The following LANCL1 variants were observed in gnomAD, a reference collection of about 807,000 sequenced individuals.
LANCL1 encodes the protein glutathione S-transferase LANCL1.
Under a neutral mutation model 50.6 loss-of-function variants are expected in LANCL1, and 50 were observed. The ratio of observed to expected loss-of-function variants is 0.99; its 90% confidence interval spans 0.79 to 1.25. LANCL1 has a LOEUF of 1.25. LANCL1 is among the 50% of genes most tolerant of loss of function. The pLI, the probability that LANCL1 is intolerant of heterozygous loss-of-function variation, is 0.00. For synonymous variants in LANCL1, 188 were observed against 178.6 expected (o/e 1.05, Z -0.42); for missense variants, 532 against 480.7 (o/e 1.11, Z -1.00).
intron 4 of LANCL1, among the ~76,000 whole-genome samples, chr2:210,449,481 T>C (rs540348703): frequency 7.9e-5 from 12 of 152,210 alleles, no homozygotes; most frequent in South Asian, 6.2e-4. Context: ...CTATTCAACA[T>C]AGTATTGGAA....
chr2:210,434,585 A>G, intron 9 of LANCL1, 22 bp from the exon 10 acceptor site: 1 of 1,585,270 alleles, frequency 6.3e-7, no homozygotes. Flanking sequence ...GAAAGAGGCA[A>G]AAGTTATTAT....
chr2:210,440,362 G>A (rs1421899333), intron 6 of LANCL1, among the ~76,000 whole-genome samples: 3 of 152,304 alleles, frequency 2.0e-5, no homozygotes, highest in African/African-American at 7.2e-5. Context: ...GGGCAAGCAC[G>A]ATCACCTGCA....
chr2:210,477,405 C>T (rs1016659137), upstream of LANCL1: 7 of 601,314 alleles, frequency 1.2e-5, no homozygotes, highest in Non-Finnish European at 1.5e-5. Context: ...TTTAACAGTC[C>T]CTGCTATCTG....
At chr2:210,445,907 C>T (rs145293584) in intron 4 of LANCL1, among the ~76,000 whole-genome samples, 74 of 152,248 alleles carry the variant, frequency 4.9e-4, no homozygotes, top group African/African-American at 1.6e-3. Context: ...ACTTTAAAAA[C>T]AGATGTCCAG....
At chr2:210,438,513 G>A (rs999178233) in intron 6 of LANCL1, among the ~76,000 whole-genome samples, 4 of 152,186 alleles carry the variant, frequency 2.6e-5, no homozygotes. Context: ...GCCTATGAAT[G>A]TGAGTGTAAG....
At chr2:210,462,421 C>G (rs1224156613) in intron 3 of LANCL1, among the ~76,000 whole-genome samples, 1 of 152,158 alleles carries the variant, frequency 6.6e-6, no homozygotes, top group Non-Finnish European at 1.5e-5. Flanking sequence ...GCATTACGCT[C>G]CCATGTACTA....
intron 3 of LANCL1, among the ~76,000 whole-genome samples, chr2:210,459,465 G>A (rs1430378109): frequency 1.3e-5 from 2 of 152,030 alleles, no homozygotes; most frequent in Non-Finnish European, 2.9e-5. Context: ...AACCATAAAT[G>A]TCTACAGTAA....
intron 6 of LANCL1, 64 bp downstream of exon 6, chr2:210,440,534 C>G: frequency 6.9e-7 from 1 of 1,457,390 alleles, no homozygotes; most frequent in Non-Finnish European, 9.3e-7. Context: ...TATCTGTTTT[C>G]TCACCCATGA....
In LANCL1 at chr2:210,476,423, G is replaced by A. The variant is rs751899082; in HGVS notation, c.-16-11C>T. On this transcript the variant is annotated splice_polypyrimidine_tract_variant and intron_variant, in intron 1 of 9. Coordinates refer to ENST00000450366, the MANE Select transcript of LANCL1 (RefSeq NM_006055.3). ...ACGCCGGAAGCAAGCCTGCAGAACA[G>A]GGGAAAAACAGAAACTAGGTTGAGA... The A allele has an allele frequency of 1.2e-6, 2 of 1,608,786 alleles. No homozygotes were observed. Among genetic ancestry groups the A allele is most frequent in the Admixed American group, 3.4e-5 (2 of 58,936 alleles).
rs139921111 is a variant in LANCL1 at position 210,466,408 on chromosome 2, A to G, written c.199+5551T>C. 7.2e-3 allele frequency among the ~76,000 whole-genome samples: 1,093 copies of G among 152,330 alleles called. 12 individuals are homozygous for G. The highest frequency in any genetic ancestry group is 0.025 in the African/African-American group (1,033 of 41,566). On this transcript the variant is annotated intron_variant, in intron 3 of 9. Coordinates refer to ENST00000450366, the MANE Select transcript of LANCL1 (RefSeq NM_006055.3). The stretch of plus-strand genomic sequence containing the variant: ...TAATCCTCTACACAGACTTCTGATT[A>G]GCCCCGGCCCCGTGAATGCCTCCTG...
At chr2:210,451,569 T>C (rs1448574358) in intron 4 of LANCL1, among the ~76,000 whole-genome samples, 1 of 152,230 alleles carries the variant, frequency 6.6e-6, no homozygotes, top group Non-Finnish European at 1.5e-5. Context: ...CCATAATTTA[T>C]GCTAAGTGAT....
At chr2:210,462,693 G>A (rs1693901121) in intron 3 of LANCL1, among the ~76,000 whole-genome samples, 1 of 152,120 alleles carries the variant, frequency 6.6e-6, no homozygotes, top group Admixed American at 6.6e-5. Context: ...AAAAACACTG[G>A]AGATTTTTTC....
intron 3 of LANCL1, among the ~76,000 whole-genome samples, chr2:210,462,089 C>A (rs1384578671): frequency 6.6e-6 from 1 of 152,170 alleles, no homozygotes; most frequent in Non-Finnish European, 1.5e-5. Context: ...GATCAAAACC[C>A]AGACCAGCTC....
At chr2:210,474,137 T>C (rs1694293356) in intron 2 of LANCL1, among the ~76,000 whole-genome samples, 1 of 152,250 alleles carries the variant, frequency 6.6e-6, no homozygotes, top group South Asian at 2.1e-4. Context: ...CACCAAATCA[T>C]TCAAACTCTA....
At chr2:210,444,019 CTGTA>C (rs1022574923) in intron 4 of LANCL1, among the ~76,000 whole-genome samples, 5 of 152,064 alleles carry the variant, frequency 3.3e-5, no homozygotes, top group Admixed American at 1.3e-4. Flanking sequence ...GGGTAGGAGA[CTGTA>C]TGTATGTATG....
At chr2:210,461,203 T>C (rs1462454681) in intron 3 of LANCL1, among the ~76,000 whole-genome samples, 1 of 152,018 alleles carries the variant, frequency 6.6e-6, no homozygotes, top group Admixed American at 6.6e-5. Context: ...GTGTCTAAAC[T>C]CCACAATTGC....
At chr2:210,468,000 G>A (rs1357275072) in intron 3 of LANCL1, 1 of 152,128 alleles carries the variant, frequency 6.6e-6, no homozygotes, top group African/African-American at 2.4e-5. Flanking sequence ...GGAGAAAGCA[G>A]AAAAGAATGG....
chr2:210,462,608 CAATT>C (rs1362908829), intron 3 of LANCL1, among the ~76,000 whole-genome samples: 8 of 152,210 alleles, frequency 5.3e-5, no homozygotes, highest in Admixed American at 4.6e-4. Flanking sequence ...TGTCTCGGCC[CAATT>C]AATTTTCTAT....
At chr2:210,439,615 GAATA>G in intron 6 of LANCL1, among the ~76,000 whole-genome samples, 1 of 152,280 alleles carries the variant, frequency 6.6e-6, no homozygotes, top group South Asian at 2.1e-4. Context: ...GAAAAGTGTA[GAATA>G]AATACGCTAG....
Sources: allele counts gnomAD v4.1 joint callset (sites outside exome capture counted in the v4.1 genomes callset), GRCh38; gene constraint gnomAD v4.1.1; transcripts MANE v1.5; gene names NCBI Gene and HGNC (gene_info 2026-07-23, HGNC 2026-07-21).